MAST2: variants seen among roughly 807,000 people sequenced by gnomAD.
The protein encoded by MAST2 is microtubule associated serine/threonine kinase 2.
Under a neutral mutation model 147.4 loss-of-function variants are expected in MAST2, and 70 were observed. That is an observed-to-expected ratio of 0.47 (90% CI 0.39 to 0.58). MAST2 has a LOEUF of 0.58. Among genes scored for constraint, MAST2 ranks in the 20% least tolerant of loss-of-function variants. The pLI is 0.00. For synonymous variants in MAST2, 869 were observed against 896.8 expected (o/e 0.97, Z 0.55); for missense variants, 2,080 against 2,302.3 (o/e 0.90, Z 1.98).
chr1:45,945,115 C>T (rs1407621410), intron 4 of MAST2, among the ~76,000 whole-genome samples: 1 of 152,116 alleles, frequency 6.6e-6, no homozygotes, highest in Non-Finnish European at 1.5e-5. Context: ...GCCTGGGCAA[C>T]ATAGTGAGAT....
intron 7 of MAST2, among the ~76,000 whole-genome samples, chr1:46,003,089 A>G (rs145531211): frequency 1.0e-3 from 154 of 152,342 alleles, no homozygotes; most frequent in African/African-American, 3.7e-3. Flanking sequence ...AAGGATGACC[A>G]GTGCCCTCTC....
At chr1:45,899,307 C>CTTTTCTT (rs1553226677) in intron 4 of MAST2, among the ~76,000 whole-genome samples, 1 of 108,028 alleles carries the variant, frequency 9.3e-6, no homozygotes, top group Non-Finnish European at 1.8e-5. Flanking sequence ...CCTTTCTTTT[C>CTTTTCTT]TTTTTTTTTT....
Position 46,023,907 on chromosome 1 carries a change from C to G in MAST2, c.1707C>G (p.Asn569Lys). ...VERDILTFAE[N>K]PFVVSMFCSF... ...GTGACATACTGACTTTCGCTGAGAA[C>G]CCCTTTGTGGTCAGCATGTTCTGCT... The change falls in exon 15 of 29, where the codon AAC becomes AAG. Residue 569 changes from asparagine (N) to lysine (K), a missense_variant. Asn to Lys is a moderately conservative substitution (Grantham distance 94, BLOSUM62 0). This residue lies in a region of MAST2 where 209 missense variants were observed against 309.5 expected (regional missense o/e 0.68). Transcript: ENST00000361297. This position sits in a 1 kb window ranked among gnomAD's most constrained non-coding sequence, Gnocchi z 4.9. The G allele has an allele frequency of 6.2e-7, 1 of 1,614,226 alleles. No homozygotes were observed. Among genetic ancestry groups the G allele is most frequent in the Non-Finnish European group, 8.5e-7 (1 of 1,180,040 alleles).
intron 5 of MAST2, among the ~76,000 whole-genome samples, chr1:45,991,995 C>A (rs1644873189): frequency 6.6e-6 from 1 of 152,104 alleles, no homozygotes; most frequent in Non-Finnish European, 1.5e-5. Context: ...TCCGAAAGTG[C>A]CAGGATTACA....
chr1:45,879,164 A>C (rs1206029955), intron 3 of MAST2, among the ~76,000 whole-genome samples: 2 of 152,126 alleles, frequency 1.3e-5, no homozygotes, highest in Non-Finnish European at 2.9e-5. Context: ...AAAAATTGTT[A>C]GGGAAAGGAC....
chr1:45,892,386 C>G (rs901310650), intron 4 of MAST2, among the ~76,000 whole-genome samples: 2 of 152,132 alleles, frequency 1.3e-5, no homozygotes, highest in Admixed American at 6.5e-5. Context: ...AACTGGCTCC[C>G]TTGCATATTA....
chr1:45,989,451 T>C (rs1644775576), intron 5 of MAST2, among the ~76,000 whole-genome samples: 1 of 152,218 alleles, frequency 6.6e-6, no homozygotes, highest in African/African-American at 2.4e-5. Flanking sequence ...TCAGCACTTT[T>C]CCCTTCACCC....
At chr1:45,853,241 TAA>T (rs528243579) in intron 3 of MAST2, among the ~76,000 whole-genome samples, 1 of 152,286 alleles carries the variant, frequency 6.6e-6, no homozygotes, top group Admixed American at 6.5e-5. Flanking sequence ...TATAAACTTT[TAA>T]AAGTTTTGTA....
In MAST2 at chr1:46,026,508, T is replaced by G. The variant is rs373820108; in HGVS notation, c.1919+693T>G. On this transcript the variant is annotated intron_variant, in intron 16 of 28. Coordinates refer to ENST00000361297, the MANE Select transcript of MAST2 (RefSeq NM_015112.3). ...TGGAAGGGTCTGCTAACCAAAGATA[T>G]GATAGAATGGCATGCCCAGATTATG... Among the ~76,000 whole-genome samples, 5 of 152,132 alleles carry G rather than the reference T, an allele frequency of 3.3e-5. No homozygotes were observed. In the East Asian group the frequency reaches 7.7e-4, roughly 23 times the overall value.
At chr1:45,907,061 A>C in intron 4 of MAST2, among the ~76,000 whole-genome samples, 1 of 152,164 alleles carries the variant, frequency 6.6e-6, no homozygotes. Flanking sequence ...GTGGTAGGCT[A>C]TACCATCTAG....
chr1:45,824,199 A>T (rs1466720801), intron 1 of MAST2, among the ~76,000 whole-genome samples: 1 of 152,192 alleles, frequency 6.6e-6, no homozygotes, highest in Non-Finnish European at 1.5e-5. Context: ...CTGTCATCCC[A>T]TGACCTTTCT....
chr1:45,962,697 A>G (rs1194737045), intron 5 of MAST2, among the ~76,000 whole-genome samples: 1 of 152,182 alleles, frequency 6.6e-6, no homozygotes, highest in Non-Finnish European at 1.5e-5. Context: ...GTAGATTGCA[A>G]AAATTTTCTC....
chr1:45,883,912 G>GCCCCCCCCCC (rs369757720), intron 4 of MAST2, among the ~76,000 whole-genome samples: 1 of 2,506 alleles, frequency 4.0e-4, no homozygotes, highest in East Asian at 0.01. Flanking sequence ...TACTATTTCT[G>GCCCCCCCCCC]CCCCCCCCGC....
chr1:45,949,784 C>T (rs1488821453), intron 4 of MAST2, among the ~76,000 whole-genome samples: 1 of 152,150 alleles, frequency 6.6e-6, no homozygotes, highest in African/African-American at 2.4e-5. Context: ...TTCATTATAG[C>T]ACTATTCACA....
Position 46,022,937 on chromosome 1 carries a change from G to T in MAST2, c.1451G>T (p.Ser484Ile), listed in dbSNP as rs750808179. The T allele has an allele frequency of 6.2e-7, 1 of 1,614,178 alleles. No individual in the cohort carries two copies. The highest frequency in any genetic ancestry group is 2.2e-5 in the East Asian group (1 of 44,886). The change falls in exon 13 of 29, where the codon AGT becomes ATT. Residue 484 changes from serine (S) to isoleucine (I), a missense_variant. Physicochemically the swap from Ser to Ile is moderately radical, Grantham distance 142. This residue lies in a region of MAST2 where 569 missense variants were observed against 642.5 expected (regional missense o/e 0.89). Coordinates refer to ENST00000361297, the MANE Select transcript of MAST2 (RefSeq NM_015112.3). ...ATGGCCCAGTTGAGCAGCTGTGACA[G>T]TCCTGACACTCCAGAGACAGATGAT... is the stretch of plus-strand genomic sequence containing the variant. ...EEMAQLSSCD[S>I]PDTPETDDSI...
At chr1:45,940,523 C>T (rs1397702277) in intron 4 of MAST2, among the ~76,000 whole-genome samples, 1 of 151,606 alleles carries the variant, frequency 6.6e-6, no homozygotes, top group Non-Finnish European at 1.5e-5. Context: ...AATCTCTAAA[C>T]AAAATGTTTT....
intron 4 of MAST2, among the ~76,000 whole-genome samples, chr1:45,888,001 T>A (rs1647168752): frequency 6.6e-6 from 1 of 152,224 alleles, no homozygotes; most frequent in Non-Finnish European, 1.5e-5. Flanking sequence ...ATGGATGTAG[T>A]TGTTGGCGAG....
chr1:46,018,337 C>G (rs957211181), intron 10 of MAST2, among the ~76,000 whole-genome samples: 3 of 152,230 alleles, frequency 2.0e-5, no homozygotes, highest in Non-Finnish European at 2.9e-5. Context: ...TCCTGAGCTT[C>G]AGATCAGTGC....
At chr1:45,935,386 C>T in intron 4 of MAST2, among the ~76,000 whole-genome samples, 1 of 152,126 alleles carries the variant, frequency 6.6e-6, no homozygotes, top group Middle Eastern at 3.2e-3. Context: ...TGTGCAGAAG[C>T]TCTTTAGTCT....
Sources: allele counts gnomAD v4.1 joint callset (sites outside exome capture counted in the v4.1 genomes callset), GRCh38; gene constraint gnomAD v4.1.1; regional missense constraint gnomAD v4.1.1; non-coding constraint Gnocchi (gnomAD v3.1); transcripts MANE v1.5; gene names NCBI Gene and HGNC (gene_info 2026-07-23, HGNC 2026-07-21).